BBOX1: variants seen among roughly 807,000 people sequenced by gnomAD.
BBOX1 encodes the protein gamma-butyrobetaine hydroxylase 1, also known as gamma-butyrobetaine dioxygenase.
In BBOX1, 35 loss-of-function variants were observed where a neutral mutation model predicts 41.6. The ratio of observed to expected loss-of-function variants is 0.84; its 90% CI spans 0.64 to 1.11. BBOX1 has a LOEUF of 1.11. Ranked by LOEUF, BBOX1 falls within the 50% of genes most tolerant of loss-of-function variation. BBOX1 has a pLI of 0.00. For synonymous variants in BBOX1, 163 were observed against 154.7 expected (o/e 1.05, Z -0.40); for missense variants, 458 against 460.6 (o/e 0.99, Z 0.05).
chr11:27,051,366 C>T (rs140683813), intron 2 of BBOX1, among the ~76,000 whole-genome samples: 179 of 152,024 alleles, frequency 1.2e-3, no homozygotes, highest in African/African-American at 4.1e-3. Context: ...TGGAAGTATT[C>T]CCTCTCTGTC....
chr11:27,042,551 A>G (rs967961774), intron 2 of BBOX1, among the ~76,000 whole-genome samples: 2 of 151,882 alleles, frequency 1.3e-5, no homozygotes, highest in Non-Finnish European at 2.9e-5. Flanking sequence ...GTCTCACTAT[A>G]TTGTCCAGGC....
At chr11:27,080,308 G>T (rs1857792889) in intron 4 of BBOX1, among the ~76,000 whole-genome samples, 1 of 151,920 alleles carries the variant, frequency 6.6e-6, no homozygotes, top group Non-Finnish European at 1.5e-5. Flanking sequence ...CAATTTGTAT[G>T]GGTCCTCTCT....
intron 2 of BBOX1, among the ~76,000 whole-genome samples, chr11:27,049,285 G>C (rs1356053818): frequency 3.3e-5 from 5 of 152,068 alleles, no homozygotes; most frequent in Admixed American, 1.3e-4. Flanking sequence ...GATGTGAGAT[G>C]ATCTCATGAG....
chr11:27,097,642 C>T (rs1185580150), intron 5 of BBOX1, among the ~76,000 whole-genome samples: 1 of 152,042 alleles, frequency 6.6e-6, no homozygotes, highest in Non-Finnish European at 1.5e-5. Context: ...AGCGAAGGAA[C>T]AGACTGAAAA....
intron 2 of BBOX1, among the ~76,000 whole-genome samples, chr11:27,041,796 A>C (rs546191094): frequency 6.6e-6 from 1 of 152,292 alleles, no homozygotes; most frequent in African/African-American, 2.4e-5. Context: ...CTGATCCAGA[A>C]AGTAAACAGA....
At chr11:27,070,706 A>ATTTTTTTTTTTTTTTTTTTTTTTTTTTTT (rs58041903) in intron 4 of BBOX1, among the ~76,000 whole-genome samples, 1 of 133,726 alleles carries the variant, frequency 7.5e-6, no homozygotes. Context: ...TTTGTGATTG[A>ATTTTTTTTTTTTTTTTTTTTTTTTTTTTT]TTTTTTTTTT....
chr11:27,114,904 T>C (rs922352291), intron 5 of BBOX1, among the ~76,000 whole-genome samples: 4 of 151,830 alleles, frequency 2.6e-5, no homozygotes, highest in African/African-American at 9.7e-5. Context: ...ATGGTAAATA[T>C]CTAAAATAGG....
chr11:27,085,489 A>G, intron 4 of BBOX1, among the ~76,000 whole-genome samples: 1 of 151,940 alleles, frequency 6.6e-6, no homozygotes, highest in East Asian at 1.9e-4. Flanking sequence ...ACCAGCACTC[A>G]TATATGACAG....
intron 8 of BBOX1, 105 bp from the exon 9 acceptor site, chr11:27,127,188 C>A: frequency 8.1e-7 from 1 of 1,230,028 alleles, no homozygotes; most frequent in Non-Finnish European, 1.1e-6. Flanking sequence ...AGCGATGATT[C>A]TTGATGTGAA....
intron 4 of BBOX1, among the ~76,000 whole-genome samples, chr11:27,071,142 A>C (rs1474221628): frequency 1.3e-5 from 2 of 152,056 alleles, no homozygotes; most frequent in African/African-American, 4.8e-5. Context: ...TAGGAGGCAA[A>C]GGAGGGCAGA....
intron 4 of BBOX1, among the ~76,000 whole-genome samples, chr11:27,081,933 T>C (rs559729842): frequency 6.6e-6 from 1 of 152,244 alleles, no homozygotes; most frequent in Admixed American, 6.5e-5. Context: ...TTTGTTGAAG[T>C]TCTTTGTAGA....
At chr11:27,091,679 G>A (rs1200567273) in intron 4 of BBOX1, among the ~76,000 whole-genome samples, 1 of 151,872 alleles carries the variant, frequency 6.6e-6, no homozygotes, top group Non-Finnish European at 1.5e-5. Context: ...TTTCAGTTCT[G>A]GTTACTCCTC....
chr11:27,044,747 T>C (rs931796880), intron 2 of BBOX1, among the ~76,000 whole-genome samples: 1 of 152,170 alleles, frequency 6.6e-6, no homozygotes, highest in African/African-American at 2.4e-5. Context: ...TGGTTATAGA[T>C]GTATGGCATT....
intron 4 of BBOX1, among the ~76,000 whole-genome samples, chr11:27,068,365 C>T (rs376961401): frequency 6.6e-6 from 1 of 152,024 alleles, no homozygotes; most frequent in Non-Finnish European, 1.5e-5. Context: ...GCCATTTGTA[C>T]ATCTTCTTTT....
At chr11:27,105,761 A>G (rs1858843735) in intron 5 of BBOX1, among the ~76,000 whole-genome samples, 1 of 152,146 alleles carries the variant, frequency 6.6e-6, no homozygotes, top group Non-Finnish European at 1.5e-5. Flanking sequence ...ATACTCCTCG[A>G]GAACAGCAGC....
At chr11:27,049,400 C>A (rs1211682998) in intron 2 of BBOX1, among the ~76,000 whole-genome samples, 1 of 151,850 alleles carries the variant, frequency 6.6e-6, no homozygotes, top group Admixed American at 6.6e-5. Flanking sequence ...ATTTCCTTGC[C>A]TATTTTTAAA....
chr11:27,070,768 C>T (rs1327525744), intron 4 of BBOX1, among the ~76,000 whole-genome samples: 2 of 147,270 alleles, frequency 1.4e-5, no homozygotes, highest in South Asian at 2.1e-4. Context: ...AGCATTTAGG[C>T]CGTTTACATT....
chr11:27,043,004 A>T (rs2133937385), intron 2 of BBOX1, among the ~76,000 whole-genome samples: 1 of 152,332 alleles, frequency 6.6e-6, no homozygotes, highest in Middle Eastern at 3.4e-3. Context: ...GAAATGCCAG[A>T]TGGTGAGGTT....
chr11:27,111,829 AG>A (rs1859074983), intron 5 of BBOX1, among the ~76,000 whole-genome samples: 1 of 151,964 alleles, frequency 6.6e-6, no homozygotes, highest in Non-Finnish European at 1.5e-5. Context: ...ATAGTGGATG[AG>A]GGGAAGTGGC....
Sources: gnomAD v4.1 joint callset for allele counts (sites outside exome capture counted in the v4.1 genomes callset) on GRCh38, gnomAD v4.1.1 for gene constraint, MANE v1.5 for transcripts, NCBI Gene and HGNC (gene_info 2026-07-23, HGNC 2026-07-21) for gene names.